Variants in EVC2 observed in about 807,000 individuals in gnomAD.
The protein encoded by EVC2 is limbin.
In EVC2, 148 loss-of-function variants were observed where a neutral mutation model predicts 149.3. That is an observed-to-expected ratio of 0.99 (90% confidence interval 0.87 to 1.14). EVC2 has a LOEUF of 1.14. Among genes scored for constraint, EVC2 ranks in the 50% most tolerant of loss-of-function variants. The pLI, the probability that EVC2 is intolerant of heterozygous loss-of-function variation, is 0.00. For synonymous variants in EVC2, 776 were observed against 649.9 expected, an observed-to-expected ratio of 1.19 and a Z score of -2.95; for missense variants, 1,854 against 1,627.3, an observed-to-expected ratio of 1.14 and a Z score of -2.40.
downstream of EVC2, among the ~76,000 whole-genome samples, chr4:5,560,473 G>A (rs1721917278): frequency 6.6e-6 from 1 of 152,070 alleles, no homozygotes; most frequent in African/African-American, 2.4e-5. This position sits in a 1 kb window ranked among gnomAD's most constrained non-coding sequence, Gnocchi z 4.1. Context: ...CTGCCAGCAG[G>A]GGAAATGCCA....
intron 16 of EVC2, among the ~76,000 whole-genome samples, chr4:5,606,788 G>T (rs1327272792): frequency 1.3e-5 from 2 of 152,200 alleles, no homozygotes; most frequent in Admixed American, 1.3e-4. Flanking sequence ...GTAATCATTT[G>T]TTGACATTAT....
downstream of EVC2, among the ~76,000 whole-genome samples, chr4:5,538,613 A>G (rs1043918780): frequency 6.6e-6 from 1 of 152,176 alleles, no homozygotes; most frequent in African/African-American, 2.4e-5. Context: ...TGCAAAAAAG[A>G]ATAGTATATC....
At chr4:5,551,412 T>G (rs573274437) in intron 21 of EVC2, among the ~76,000 whole-genome samples, 1 of 152,242 alleles carries the variant, frequency 6.6e-6, no homozygotes, top group Non-Finnish European at 1.5e-5. Flanking sequence ...CTGCTGGATT[T>G]TGGGCTTGCA....
intron 16 of EVC2, among the ~76,000 whole-genome samples, chr4:5,610,433 T>C (rs1714724140): frequency 6.6e-6 from 1 of 152,160 alleles, no homozygotes; most frequent in African/African-American, 2.4e-5. Context: ...GAAATCTAAA[T>C]CACCCTTGGA....
chr4:5,611,166 T>C (rs1714790111), intron 16 of EVC2, among the ~76,000 whole-genome samples: 1 of 152,192 alleles, frequency 6.6e-6, no homozygotes, highest in South Asian at 2.1e-4. Context: ...GGGACCAGGA[T>C]GCCAGTGTGA....
In EVC2 at chr4:5,576,657, G is replaced by A. The variant is rs554244289; in HGVS notation, c.3058-203C>T. Among the ~76,000 whole-genome samples, 6 of 152,134 alleles carry A rather than the reference G, an allele frequency of 3.9e-5. No homozygotes were observed. The highest frequency in any genetic ancestry group is 8.8e-5 in the Non-Finnish European group (6 of 68,020). On this transcript the variant is annotated intron_variant, in intron 17 of 21. Transcript: ENST00000344408. This position sits in a 1 kb window ranked among gnomAD's most constrained non-coding sequence, Gnocchi z 4.5. Reference sequence around the variant, plus strand: ...TCACCTCCATGCCTCCACATAGGCCGTTCCCTCCACCTGCAGTGCCTTTCT... The same window carrying A: ...TCACCTCCATGCCTCCACATAGGCCATTCCCTCCACCTGCAGTGCCTTTCT...
downstream of EVC2, among the ~76,000 whole-genome samples, chr4:5,558,109 C>T (rs1273236288): frequency 2.0e-5 from 3 of 152,108 alleles, no homozygotes; most frequent in African/African-American, 4.8e-5. Context: ...ACAGAGTCAA[C>T]ACAGTACTAA....
intron 14 of EVC2, among the ~76,000 whole-genome samples, chr4:5,619,696 T>C (rs1715535732): frequency 6.6e-6 from 1 of 152,110 alleles, no homozygotes; most frequent in Non-Finnish European, 1.5e-5. Context: ...GACAAGGAAA[T>C]GGATGAACAG....
intron 9 of EVC2, among the ~76,000 whole-genome samples, chr4:5,662,241 T>C (rs1478286812): frequency 2.0e-5 from 3 of 152,004 alleles, no homozygotes; most frequent in East Asian, 3.9e-4. Flanking sequence ...GGAAAGCTTC[T>C]TCATAAGCTT....
rs1440543867 is a variant in EVC2 at position 5,613,092 on chromosome 4, C to A, written c.2829+2330G>T. 6.6e-6 allele frequency among the ~76,000 whole-genome samples: 1 copy of A among 152,084 alleles called. No homozygotes were observed. Among genetic ancestry groups the A allele is most frequent in the African/African-American group, 2.4e-5 (1 of 41,398 alleles). ...TCCCCATGGGTTACCATCTCTGCAT[C>A]ACCTTCTCACTCAGACATTCATCCT... On this transcript the variant is annotated intron_variant, in intron 16 of 21. Transcript: ENST00000344408. The surrounding 1 kb of genome is among the most constrained non-coding windows in gnomAD (Gnocchi z 4.6).
rs778621140 is a variant in EVC2, at chr4:5,637,272, A to T, written c.1470+3242T>A. ...CACAGGACGGGTTCACATGGGGCGCACAGCAGGGGGACGTAACCTCCACTG... is the reference window on the plus strand; with the variant it reads ...CACAGGACGGGTTCACATGGGGCGCTCAGCAGGGGGACGTAACCTCCACTG... On this transcript the variant is annotated intron_variant, in intron 10 of 21. Coordinates refer to ENST00000344408, the MANE Select transcript of EVC2 (RefSeq NM_147127.5). The surrounding 1 kb of genome is among the most constrained non-coding windows in gnomAD (Gnocchi z 4.4). 6.6e-6 allele frequency among the ~76,000 whole-genome samples: 1 copy of T among 152,204 alleles called. No individual in the cohort carries two copies. Among genetic ancestry groups the T allele is most frequent in the Non-Finnish European group, 1.5e-5 (1 of 68,034 alleles).
chr4:5,580,480 G>A (rs1175540626), intron 17 of EVC2, among the ~76,000 whole-genome samples: 4 of 152,196 alleles, frequency 2.6e-5, no homozygotes, highest in Admixed American at 2.0e-4. Flanking sequence ...AAATCAGTGT[G>A]GTCTCAAGTA....
At chr4:5,685,587 G>T (rs1720650437) in intron 5 of EVC2, 108 bp from the exon 6 acceptor site, 2 of 873,830 alleles carry the variant, frequency 2.3e-6, no homozygotes, top group Non-Finnish European at 3.7e-6. Context: ...TGGTTCCAAG[G>T]GAGGCCACCA....
chr4:5,651,386 G>A (rs1416577097), intron 9 of EVC2, among the ~76,000 whole-genome samples: 2 of 151,924 alleles, frequency 1.3e-5, no homozygotes, highest in African/African-American at 4.8e-5. Flanking sequence ...ATGGGTGGGT[G>A]AAAAAGATGG....
At position 5,613,781 on chromosome 4, in the gene EVC2, C is replaced by T. The variant is rs1198910467; in HGVS notation, c.2829+1641G>A. 6.6e-6 allele frequency among the ~76,000 whole-genome samples: 1 copy of T among 152,090 alleles called. No individual in the cohort carries two copies. The highest frequency in any genetic ancestry group is 1.5e-5 in the Non-Finnish European group (1 of 68,028). Reference sequence around the variant, plus strand: ...TAAGATGACATTTTGCCTCTATCTGCCTAATCTTTGTCTTGCTGTTCAATT... The same window carrying T: ...TAAGATGACATTTTGCCTCTATCTGTCTAATCTTTGTCTTGCTGTTCAATT... On this transcript the variant is annotated intron_variant, in intron 16 of 21. Coordinates refer to ENST00000344408, the MANE Select transcript of EVC2 (RefSeq NM_147127.5). The surrounding 1 kb of genome is among the most constrained non-coding windows in gnomAD (Gnocchi z 4.6).
chr4:5,663,853 G>A (rs1043338712), intron 8 of EVC2, among the ~76,000 whole-genome samples: 7 of 152,070 alleles, frequency 4.6e-5, no homozygotes, highest in Non-Finnish European at 1.0e-4. Context: ...CCCAGGAGAC[G>A]GAAGCTGCAG....
chr4:5,612,972 G>GGAGGAGAC (rs1172745189), intron 16 of EVC2, among the ~76,000 whole-genome samples: 3 of 151,254 alleles, frequency 2.0e-5, no homozygotes, highest in Admixed American at 2.0e-4. Flanking sequence ...AGACAGAGCA[G>GGAGGAGAC]GAGGAGACGA....
intron 1 of EVC2, 71 bp from the exon 2 acceptor site, chr4:5,697,718 T>G: frequency 7.2e-7 from 1 of 1,395,002 alleles, no homozygotes; most frequent in South Asian, 1.2e-5. Flanking sequence ...ATAATCTTTG[T>G]AAATGACTCA....
At chr4:5,707,585 C>G (rs1049948593) in intron 1 of EVC2, among the ~76,000 whole-genome samples, 1 of 152,054 alleles carries the variant, frequency 6.6e-6, no homozygotes, top group Non-Finnish European at 1.5e-5. Flanking sequence ...CGTGGGAAAA[C>G]CATCACCAAG....
Sources: gnomAD v4.1 joint callset for allele counts (sites outside exome capture counted in the v4.1 genomes callset) on GRCh38, gnomAD v4.1.1 for gene constraint, Gnocchi (gnomAD v3.1) non-coding constraint, MANE v1.5 for transcripts, NCBI Gene and HGNC (gene_info 2026-07-23, HGNC 2026-07-21) for gene names.